WIF1: variants seen among roughly 807,000 people sequenced by gnomAD.
WIF1 encodes Wnt inhibitory factor 1.
In WIF1, 35 loss-of-function variants were observed where a neutral mutation model predicts 53.5. The ratio of observed to expected loss-of-function variants is 0.65; its 90% CI spans 0.50 to 0.87. WIF1 has a LOEUF of 0.87. WIF1 is among the 40% of genes least tolerant of loss of function. The pLI, the probability that WIF1 is intolerant of heterozygous loss-of-function variation, is 0.00. For synonymous variants in WIF1, 171 were observed against 170.4 expected (o/e 1.00, Z -0.03); for missense variants, 467 against 476.8 (o/e 0.98, Z 0.19).
chr12:65,118,383 C>T (rs1164627734), intron 2 of WIF1, among the ~76,000 whole-genome samples: 1 of 152,118 alleles, frequency 6.6e-6, no homozygotes, highest in East Asian at 1.9e-4. Flanking sequence ...GCAAAATTAG[C>T]CATACTTAAA....
At chr12:65,074,236 G>T (rs1201336382) in intron 3 of WIF1, among the ~76,000 whole-genome samples, 1 of 151,166 alleles carries the variant, frequency 6.6e-6, no homozygotes, top group Non-Finnish European at 1.5e-5. Context: ...CATTATGCAG[G>T]TTAGTTTTTT....
chr12:65,086,843 T>C (rs558307569), intron 2 of WIF1, among the ~76,000 whole-genome samples: 6 of 152,164 alleles, frequency 3.9e-5, no homozygotes, highest in South Asian at 4.2e-4. Context: ...ACTAATAATT[T>C]TTTTAAACCT....
chr12:65,110,453 G>A (rs954425737), intron 2 of WIF1, among the ~76,000 whole-genome samples: 5 of 152,052 alleles, frequency 3.3e-5, no homozygotes, highest in African/African-American at 4.8e-5. Flanking sequence ...ATGTCTCCTC[G>A]GTGAAGCCTT....
At chr12:65,086,199 C>A (rs1883035368) in intron 2 of WIF1, among the ~76,000 whole-genome samples, 1 of 151,802 alleles carries the variant, frequency 6.6e-6, no homozygotes, top group Non-Finnish European at 1.5e-5. Flanking sequence ...CAAATTTAGC[C>A]CTGTTCAGCA....
At chr12:65,057,786 T>A (rs910026061) in intron 7 of WIF1, among the ~76,000 whole-genome samples, 1 of 152,196 alleles carries the variant, frequency 6.6e-6, no homozygotes, top group Non-Finnish European at 1.5e-5. Context: ...TCAACCCCCA[T>A]ATATTTTACT....
At chr12:65,111,096 G>A (rs1883423433) in intron 2 of WIF1, among the ~76,000 whole-genome samples, 1 of 152,104 alleles carries the variant, frequency 6.6e-6, no homozygotes, top group African/African-American at 2.4e-5. Context: ...TAGCTAACAG[G>A]GCTACTGCCA....
chr12:65,097,786 C>A (rs2136633852), intron 2 of WIF1, among the ~76,000 whole-genome samples: 2 of 152,270 alleles, frequency 1.3e-5, no homozygotes, highest in South Asian at 4.1e-4. Flanking sequence ...TTTATAATTA[C>A]CTTAGCATTG....
At chr12:65,103,350 G>A (rs1470118402) in intron 2 of WIF1, among the ~76,000 whole-genome samples, 1 of 152,154 alleles carries the variant, frequency 6.6e-6, no homozygotes, top group Non-Finnish European at 1.5e-5. Flanking sequence ...TACATGAAAG[G>A]CATCATTACT....
intron 2 of WIF1, 91 bp from the exon 3 acceptor site, chr12:65,077,945 T>A (rs953590726): frequency 1.1e-6 from 1 of 944,228 alleles, no homozygotes; most frequent in East Asian, 2.6e-5. Context: ...GGGGCAGAGA[T>A]AATTTTCATT....
chr12:65,075,725 C>A (rs976692241), intron 3 of WIF1, among the ~76,000 whole-genome samples: 1 of 152,046 alleles, frequency 6.6e-6, no homozygotes, highest in Non-Finnish European at 1.5e-5. Flanking sequence ...AGTATCAAAA[C>A]ATAAATGCAG....
intron 6 of WIF1, among the ~76,000 whole-genome samples, chr12:65,063,463 T>C (rs531540871): frequency 6.6e-6 from 1 of 152,238 alleles, no homozygotes; most frequent in South Asian, 2.1e-4. Context: ...TCTTGTCCCA[T>C]ATAAAATTGG....
chr12:65,072,838 C>A (rs934868379), intron 3 of WIF1, among the ~76,000 whole-genome samples: 11 of 152,110 alleles, frequency 7.2e-5, no homozygotes, highest in Non-Finnish European at 1.5e-4. Flanking sequence ...TGTTCCCAAA[C>A]GCTAGATGAA....
chr12:65,113,370 G>A (rs182878939), intron 2 of WIF1, among the ~76,000 whole-genome samples: 74 of 152,178 alleles, frequency 4.9e-4, no homozygotes, highest in Non-Finnish European at 9.7e-4. Context: ...ATGCTTTATT[G>A]GATATCATAC....
chr12:65,067,579 C>T (rs114482742), intron 5 of WIF1, 116 bp downstream of exon 5: 3 of 1,086,046 alleles, frequency 2.8e-6, no homozygotes, highest in Non-Finnish European at 4.0e-6. Context: ...AAATTTTCTG[C>T]CCCTGTGACC....
intron 8 of WIF1, 89 bp from the exon 9 acceptor site, chr12:65,055,302 T>C (rs1025092608): frequency 1.4e-6 from 2 of 1,422,720 alleles, no homozygotes; most frequent in African/African-American, 1.4e-5. Flanking sequence ...TTCTTTAGAA[T>C]GTGTTAGTTT....
At chr12:65,061,522 T>G (rs751926911) in intron 7 of WIF1, among the ~76,000 whole-genome samples, 2 of 152,148 alleles carry the variant, frequency 1.3e-5, no homozygotes, top group African/African-American at 2.4e-5. Flanking sequence ...TGTAAGGCAA[T>G]CTAGGAGGGA....
intron 7 of WIF1, among the ~76,000 whole-genome samples, chr12:65,059,658 T>C (rs747149676): frequency 7.1e-4 from 103 of 144,532 alleles, no homozygotes; most frequent in Non-Finnish European, 1.0e-3. Flanking sequence ...GTTTTTTACT[T>C]TTTTTTTTTT....
chr12:65,067,360 A>G (rs1413374572), intron 5 of WIF1, among the ~76,000 whole-genome samples: 1 of 152,178 alleles, frequency 6.6e-6, no homozygotes, highest in African/African-American at 2.4e-5. Flanking sequence ...CATAACTTAG[A>G]TATACTCTTA....
At chr12:65,068,004 G>A (rs563814153) in intron 4 of WIF1, among the ~76,000 whole-genome samples, 1 of 152,260 alleles carries the variant, frequency 6.6e-6, no homozygotes, top group Non-Finnish European at 1.5e-5. Context: ...ATTTCCAACA[G>A]TAGGGGGCTC....
Sources: gnomAD v4.1 joint callset for allele counts (sites outside exome capture counted in the v4.1 genomes callset) on GRCh38, gnomAD v4.1.1 for gene constraint, MANE v1.5 for transcripts, NCBI Gene and HGNC (gene_info 2026-07-23, HGNC 2026-07-21) for gene names.